Variants in ERICH3 observed in about 807,000 individuals in gnomAD.
ERICH3 encodes glutamate rich 3, also known as glutamate-rich protein 3.
A neutral mutation model predicts 131.1 loss-of-function variants in ERICH3; 126 were observed. The observed-to-expected ratio is 0.96, with a 90% CI of 0.83 to 1.11. The LOEUF is 1.11. Among genes scored for constraint, ERICH3 ranks in the 50% most tolerant of loss-of-function variants. The pLI is 0.00. For synonymous variants in ERICH3, 695 were observed against 644.6 expected (o/e 1.08, Z -1.18); for missense variants, 2,050 against 1,810.7 (o/e 1.13, Z -2.40).
intron 1 of ERICH3, among the ~76,000 whole-genome samples, chr1:74,671,552 A>T (rs1435353723): frequency 6.6e-6 from 1 of 152,164 alleles, no homozygotes; most frequent in East Asian, 1.9e-4. Context: ...GCTGGCCGAC[A>T]CTCATGGAAA....
chr1:74,643,960 A>G (rs1646458724), intron 3 of ERICH3, among the ~76,000 whole-genome samples: 1 of 152,118 alleles, frequency 6.6e-6, no homozygotes, highest in African/African-American at 2.4e-5. Context: ...GAAAGGAGGA[A>G]TTGTATGTAA....
Position 74,568,819 on chromosome 1 carries a change from A to G in ERICH3, c.*1639T>C, listed in dbSNP as rs1288608653. On this transcript the variant is annotated 3_prime_UTR_variant, in exon 15 of 15. Coordinates refer to ENST00000326665, the MANE Select transcript of ERICH3 (RefSeq NM_001002912.5). ...CTGAGACTAATCCTCAATACAATCA[A>G]TAGTCCATGACAGCAGTTTTTGGAC... 6.6e-6 allele frequency: 1 copy of G among 152,188 alleles called. No individual in the cohort carries two copies. Among genetic ancestry groups the G allele is most frequent in the Non-Finnish European group, 1.5e-5 (1 of 68,024 alleles). 9.4% of individuals were successfully genotyped at this position (152,188 alleles called of 1,614,324 possible).
At chr1:74,673,053 C>A (rs1409765008) in intron 1 of ERICH3, among the ~76,000 whole-genome samples, 1 of 152,128 alleles carries the variant, frequency 6.6e-6, no homozygotes, top group African/African-American at 2.4e-5. Context: ...TCTTTCAATA[C>A]TGAATGAACT....
At chr1:74,640,209 C>G (rs1324699927) in intron 5 of ERICH3, among the ~76,000 whole-genome samples, 2 of 152,172 alleles carry the variant, frequency 1.3e-5, no homozygotes, top group Non-Finnish European at 1.5e-5. Flanking sequence ...GGTGGGAAGA[C>G]TGAAAACAGC....
In ERICH3 at chr1:74,630,193, C is replaced by T. The variant is rs184869690; in HGVS notation, c.819+1520G>A. Among the ~76,000 whole-genome samples the T allele has an allele frequency of 3.3e-3, 504 of 152,192 alleles. 1 individual carries two copies. Among genetic ancestry groups the T allele is most frequent in the Non-Finnish European group, 4.5e-3 (303 of 68,022 alleles). On this transcript the variant is annotated intron_variant, in intron 7 of 14. Coordinates refer to ENST00000326665, the MANE Select transcript of ERICH3 (RefSeq NM_001002912.5). ...AATGATGAGTAAGTCATTGTTTTTG[C>T]TAAGTATGAGCCACATCTTTTGAGA...
chr1:74,581,100 A>T (rs1325820892), intron 12 of ERICH3, among the ~76,000 whole-genome samples: 2 of 152,192 alleles, frequency 1.3e-5, no homozygotes, highest in Non-Finnish European at 2.9e-5. Flanking sequence ...TATTTCTTCC[A>T]AATTAATGAA....
rs768455672 is a variant in ERICH3, at chr1:74,572,751, C to T, written c.2959G>A (p.Val987Ile). The T allele has an allele frequency of 1.9e-6, 3 of 1,613,962 alleles. No homozygotes were observed. The highest frequency in any genetic ancestry group is 2.2e-5 in the East Asian group (1 of 44,834). ...GEEPAKERKE[V>I]MRTETRLSPF... ...CTCAAGCGTGTTTCTGTTCTCATAACCTCTTTTCTCTCTTTGGCTGGTTCC... is the reference window on the plus strand; with the variant it reads ...CTCAAGCGTGTTTCTGTTCTCATAATCTCTTTTCTCTCTTTGGCTGGTTCC... The change falls in exon 14 of 15, where the codon GTT becomes ATT. Residue 987 changes from valine to isoleucine, a missense_variant. Val to Ile is a conservative substitution (Grantham distance 29). Coordinates refer to ENST00000326665, the MANE Select transcript of ERICH3 (RefSeq NM_001002912.5).
chr1:74,673,197 C>A (rs1646757367), intron 1 of ERICH3, among the ~76,000 whole-genome samples: 1 of 152,146 alleles, frequency 6.6e-6, no homozygotes, highest in Non-Finnish European at 1.5e-5. Context: ...CTTCTTGATC[C>A]CAGCGAAGGT....
intron 6 of ERICH3, among the ~76,000 whole-genome samples, chr1:74,635,762 C>A (rs868002558): frequency 6.6e-6 from 1 of 152,110 alleles, no homozygotes; most frequent in South Asian, 2.1e-4. Flanking sequence ...GTAGCAGAAT[C>A]AAGCTCCTAT....
chr1:74,616,182 T>C (rs545099821), intron 8 of ERICH3, among the ~76,000 whole-genome samples: 3 of 151,886 alleles, frequency 2.0e-5, no homozygotes, highest in South Asian at 2.1e-4. Context: ...TATATACACA[T>C]ATATATATTG....
chr1:74,618,147 G>C (rs530157973), intron 8 of ERICH3, among the ~76,000 whole-genome samples: 4 of 152,280 alleles, frequency 2.6e-5, no homozygotes, highest in Non-Finnish European at 5.9e-5. Context: ...GGGTGAGAGA[G>C]AGACTGTCTC....
chr1:74,660,595 GTA>G (rs35580326), intron 1 of ERICH3, among the ~76,000 whole-genome samples: 65,536 of 143,670 alleles, frequency 0.46, 15,079 homozygotes, highest in Non-Finnish European at 0.51. Flanking sequence ...ACACACAAGT[GTA>G]TATATATATA....
intron 8 of ERICH3, among the ~76,000 whole-genome samples, chr1:74,614,537 C>T (rs926002830): frequency 6.6e-6 from 1 of 151,338 alleles, no homozygotes; most frequent in Non-Finnish European, 1.5e-5. Context: ...ATTAGCCGGG[C>T]GTGGTAGCGG....
At chr1:74,632,220 A>G (rs1646345986) in intron 6 of ERICH3, among the ~76,000 whole-genome samples, 2 of 152,086 alleles carry the variant, frequency 1.3e-5, no homozygotes, top group Admixed American at 6.6e-5. Context: ...ACAACTAAAC[A>G]ATTTAAAATC....
chr1:74,590,868 T>C (rs2100563201), intron 11 of ERICH3, among the ~76,000 whole-genome samples: 1 of 152,318 alleles, frequency 6.6e-6, no homozygotes, highest in South Asian at 2.1e-4. Context: ...CCCTGTTTTT[T>C]TGTTGTTTTT....
intron 6 of ERICH3, among the ~76,000 whole-genome samples, chr1:74,634,374 G>A (rs957790874): frequency 1.3e-5 from 2 of 152,026 alleles, no homozygotes; most frequent in African/African-American, 4.8e-5. Context: ...ACATTATTGT[G>A]GAATTTATCT....
chr1:74,633,950 C>T (rs192300275), intron 6 of ERICH3, among the ~76,000 whole-genome samples: 34 of 152,110 alleles, frequency 2.2e-4, no homozygotes, highest in Admixed American at 6.6e-4. Context: ...CATCTCATCC[C>T]GTCTGTTTTT....
At chr1:74,606,579 A>G (rs1165864209) in intron 10 of ERICH3, 22 bp downstream of exon 10, 2 of 1,571,398 alleles carry the variant, frequency 1.3e-6, no homozygotes, top group East Asian at 2.2e-5. Flanking sequence ...CTACAACAAA[A>G]GAAACTTGTG....
chr1:74,621,779 G>A (rs1019507638), intron 7 of ERICH3: 2 of 152,096 alleles, frequency 1.3e-5, no homozygotes, highest in African/African-American at 2.4e-5. Flanking sequence ...TGACCTCTAC[G>A]AGGAAGAGGA....
Sources: gnomAD v4.1 joint callset for allele counts (sites outside exome capture counted in the v4.1 genomes callset) on GRCh38, gnomAD v4.1.1 for gene constraint, MANE v1.5 for transcripts, NCBI Gene and HGNC (gene_info 2026-07-23, HGNC 2026-07-21) for gene names.